SMG1: variants seen among roughly 807,000 people sequenced by gnomAD.
SMG1 encodes SMG1 nonsense mediated mRNA decay associated PI3K related kinase.
Under a neutral mutation model 419.9 loss-of-function variants are expected in SMG1, and 22 were observed. That is an observed-to-expected ratio of 0.05 (90% CI 0.04 to 0.07). SMG1 has a LOEUF of 0.07. Among genes scored for constraint, SMG1 ranks in the 10% least tolerant of loss-of-function variants. SMG1 has a pLI of 1.00. For synonymous variants in SMG1, 1,538 were observed against 1,553.5 expected (o/e 0.99, Z 0.23); for missense variants, 3,185 against 4,342.0 (o/e 0.73, Z 7.49).
chr16:18,863,679 G>A lies in SMG1; in HGVS notation c.3666C>T (p.Leu1222=). The change falls in exon 25 of 63, where the codon CTC becomes CTT. Residue 1222 remains leucine (L), a synonymous_variant. Coordinates refer to ENST00000446231, the MANE Select transcript of SMG1 (RefSeq NM_015092.5). The part of the protein sequence containing the change: ...DLKKSTSSTS[L]NLKADFNYIK... ...TATAGTTGAAGTCAGCTTTCAGGTT[G>A]AGGGAAGTGCTACTGGTACTCTTTT... The A allele has an allele frequency of 1.3e-6, 2 of 1,594,964 alleles. No homozygotes were observed. The highest frequency in any genetic ancestry group is 1.7e-6 in the Non-Finnish European group (2 of 1,178,444).
intron 29 of SMG1, among the ~76,000 whole-genome samples, chr16:18,856,033 G>A (rs1249808284): frequency 1.4e-5 from 2 of 145,434 alleles, no homozygotes; most frequent in Non-Finnish European, 3.0e-5. Flanking sequence ...TCTCTGGCCT[G>A]CACACGTTTT....
intron 1 of SMG1, among the ~76,000 whole-genome samples, chr16:18,903,960 T>C (rs1321083072): frequency 3.2e-5 from 4 of 124,610 alleles, no homozygotes; most frequent in East Asian, 4.2e-4. Context: ...TTTTTTGAGA[T>C]GTAGTCTCGC....
rs137863609 is a variant in SMG1, at chr16:18,863,720, C to A, written c.3625G>T (p.Ala1209Ser). The A allele has an allele frequency of 0.029, 46,016 of 1,589,540 alleles. 764 individuals are homozygous for A. Among genetic ancestry groups the A allele is most frequent in the Middle Eastern group, 0.065 (288 of 4,424 alleles). Residue 1209 changes from alanine to serine, a missense_variant, in exon 25 of 63, where the codon GCT becomes TCT. By Grantham distance (99) the Ala-to-Ser change is moderately conservative. Coordinates refer to ENST00000446231, the MANE Select transcript of SMG1 (RefSeq NM_015092.5). Reference protein sequence around the residue: ...DWAAVQEWQNAIHDLKKSTSS... With the variant: ...DWAAVQEWQNSIHDLKKSTSS... ...GTACTCTTTTTCAAGTCATGGATAG[C>A]GTTCTGCCATTCCTGCACAGCAGCC...
chr16:18,890,152 T>C (rs2036813281), intron 5 of SMG1, among the ~76,000 whole-genome samples: 1 of 152,164 alleles, frequency 6.6e-6, no homozygotes, highest in Non-Finnish European at 1.5e-5. Context: ...GAGATTCTAA[T>C]AGCCAGAGAA....
rs2606559 is a variant in SMG1 at position 18,806,955 on chromosome 16, T to C, written c.*2614A>G. ...AGCCAAACTATACAGACCAGGGCCTTGTCCAGAGTGCAGTAAGGAGCAGGC... is the reference window on the plus strand; with the variant it reads ...AGCCAAACTATACAGACCAGGGCCTCGTCCAGAGTGCAGTAAGGAGCAGGC... On this transcript the variant is annotated 3_prime_UTR_variant, in exon 63 of 63. Coordinates refer to ENST00000446231, the MANE Select transcript of SMG1 (RefSeq NM_015092.5). The C allele has an allele frequency of 0.088, 13,453 of 152,306 alleles. 739 individuals are homozygous for C. Among genetic ancestry groups the C allele is most frequent in the African/African-American group, 0.16 (6,554 of 41,538 alleles). 9.4% of individuals were successfully genotyped at this position (152,306 alleles called of 1,614,324 possible). A position where few individuals can be genotyped will look rare whatever the true frequency, so the allele number is the denominator to read the frequency against.
intron 1 of SMG1, among the ~76,000 whole-genome samples, chr16:18,922,960 A>G (rs2038253875): frequency 6.6e-6 from 1 of 152,182 alleles, no homozygotes; most frequent in Non-Finnish European, 1.5e-5. Flanking sequence ...AAGCGCCTGT[A>G]GCCCCAGCTA....
intron 6 of SMG1, among the ~76,000 whole-genome samples, chr16:18,888,164 C>CA (rs991748168): frequency 0.17 from 6,922 of 41,092 alleles, 1,196 homozygotes; most frequent in African/African-American, 0.35. Context: ...GACTCTGCAT[C>CA]AAAAAAAAAA....
At chr16:18,910,115 T>C (rs1483542320) in intron 1 of SMG1, among the ~76,000 whole-genome samples, 4 of 152,054 alleles carry the variant, frequency 2.6e-5, no homozygotes, top group Non-Finnish European at 5.9e-5. Context: ...TTTTTTTTCT[T>C]TGAGACAGTG....
At chr16:18,857,127 G>A (rs1229328449) in intron 29 of SMG1, 1 of 152,212 alleles carries the variant, frequency 6.6e-6, no homozygotes, top group Non-Finnish European at 1.5e-5. Context: ...TGGCAGTGAA[G>A]GACCAGTTGA....
At chr16:18,880,565 A>G (rs1253833765) in intron 10 of SMG1, among the ~76,000 whole-genome samples, 6 of 152,090 alleles carry the variant, frequency 3.9e-5, no homozygotes, top group Non-Finnish European at 5.9e-5. Flanking sequence ...TTGTTTTTAA[A>G]TTAGTTGGGC....
At chr16:18,914,650 C>A (rs1161386241) in intron 1 of SMG1, among the ~76,000 whole-genome samples, 1 of 152,072 alleles carries the variant, frequency 6.6e-6, no homozygotes, top group Non-Finnish European at 1.5e-5. Flanking sequence ...CACCACTGCA[C>A]TCCAGCCTGG....
chr16:18,873,410 T>C (rs2925517), intron 13 of SMG1, among the ~76,000 whole-genome samples: 13,541 of 152,044 alleles, frequency 0.089, 750 homozygotes, highest in African/African-American at 0.16. Flanking sequence ...TTAGTAGAGA[T>C]AGAGTTTCAC....
At chr16:18,899,736 A>G (rs2037274537) in intron 1 of SMG1, among the ~76,000 whole-genome samples, 1 of 152,150 alleles carries the variant, frequency 6.6e-6, no homozygotes, top group South Asian at 2.1e-4. Flanking sequence ...ATGTTAGGCT[A>G]GTTAGTTAGA....
chr16:18,924,124 C>T (rs2038299906), intron 1 of SMG1, among the ~76,000 whole-genome samples: 1 of 152,216 alleles, frequency 6.6e-6, no homozygotes, highest in South Asian at 2.1e-4. Context: ...AAAAGCACAG[C>T]TTCAAAGAAA....
At chr16:18,844,383 C>T (rs907656571) in intron 39 of SMG1, among the ~76,000 whole-genome samples, 13 of 150,034 alleles carry the variant, frequency 8.7e-5, no homozygotes, top group Admixed American at 3.3e-4. Flanking sequence ...GAGCCAAGAT[C>T]GTGCCACTCA....
intron 19 of SMG1, 113 bp from the exon 20 acceptor site, chr16:18,869,416 A>T: frequency 2.3e-6 from 2 of 881,928 alleles, no homozygotes; most frequent in Non-Finnish European, 3.5e-6. Context: ...ACTCCAAAAA[A>T]GGCAAAACCT....
intron 18 of SMG1, among the ~76,000 whole-genome samples, chr16:18,870,302 T>C (rs2035746597): frequency 6.6e-6 from 1 of 152,208 alleles, no homozygotes; most frequent in Admixed American, 6.5e-5. Context: ...CCAAATCAAC[T>C]TGATCAAAAA....
At chr16:18,884,261 T>C in intron 8 of SMG1, 94 bp from the exon 9 acceptor site, 1 of 579,438 alleles carries the variant, frequency 1.7e-6, no homozygotes. Context: ...TTTTAAGAGG[T>C]ATCTGGTTTT....
intron 26 of SMG1, among the ~76,000 whole-genome samples, chr16:18,859,944 C>T (rs553419950): frequency 6.6e-6 from 1 of 152,180 alleles, no homozygotes; most frequent in East Asian, 1.9e-4. Context: ...CGAGGCCAGG[C>T]GTGGTGGCTC....
Sources: gnomAD v4.1 joint callset for allele counts (sites outside exome capture counted in the v4.1 genomes callset) on GRCh38, gnomAD v4.1.1 for gene constraint, MANE v1.5 for transcripts, NCBI Gene and HGNC (gene_info 2026-07-23, HGNC 2026-07-21) for gene names.